SP140: variants seen among roughly 807,000 people sequenced by gnomAD.
SP140 encodes SP140 nuclear body protein, also known as nuclear body protein SP140.
Under a neutral mutation model 125.0 loss-of-function variants are expected in SP140, and 81 were observed. The observed-to-expected ratio is 0.65, with a 90% confidence interval of 0.54 to 0.78. The LOEUF (loss-of-function observed/expected upper bound fraction) is 0.78. Ranked by LOEUF, SP140 falls within the 30% of genes least tolerant of loss-of-function variation. The probability of loss-of-function intolerance (pLI) is 0.00; values close to 1 mark genes in which losing one functional copy is unlikely to be tolerated. For synonymous variants in SP140, 312 were observed against 354.0 expected, an observed-to-expected ratio of 0.88 and a Z score of 1.33; for missense variants, 858 against 1,037.0, an observed-to-expected ratio of 0.83 and a Z score of 2.37.
intron 1 of SP140, among the ~76,000 whole-genome samples, chr2:230,207,617 T>C (rs958384378): frequency 2.6e-5 from 4 of 152,202 alleles, no homozygotes; most frequent in Non-Finnish European, 4.4e-5. Context: ...AAGCCAGAAA[T>C]TGAAGAGTGG....
chr2:230,296,683 G>A (rs1559354292), intron 21 of SP140, among the ~76,000 whole-genome samples: 1 of 152,174 alleles, frequency 6.6e-6, no homozygotes, highest in East Asian at 1.9e-4. Flanking sequence ...TGGCCTCTAG[G>A]ACTCTGAGTC....
chr2:230,279,749 T>C (rs1184493254), intron 15 of SP140, among the ~76,000 whole-genome samples: 1 of 152,120 alleles, frequency 6.6e-6, no homozygotes, highest in East Asian at 1.9e-4. Context: ...TGCATTCTTC[T>C]CTCCATTCTC....
chr2:230,301,114 A>C (rs915216798), intron 22 of SP140, among the ~76,000 whole-genome samples: 1 of 152,234 alleles, frequency 6.6e-6, no homozygotes, highest in African/African-American at 2.4e-5. Context: ...AGAACTTTTT[A>C]AAAATGAACA....
In SP140 at chr2:230,281,660, G is replaced by A. The variant is rs574032877; in HGVS notation, c.1499-2686G>A. 1.2e-4 allele frequency among the ~76,000 whole-genome samples: 19 copies of A among 152,200 alleles called. 1 individual carries two copies. Among genetic ancestry groups the A allele is most frequent in the African/African-American group, 3.4e-4 (14 of 41,536 alleles). ...AACTTTATATAAATAAGGTTTTATA[G>A]CATATTCTCTTTAGAGTGGGATTTA... On this transcript the variant is annotated intron_variant, in intron 15 of 26. Coordinates refer to ENST00000392045, the MANE Select transcript of SP140 (RefSeq NM_007237.5).
At chr2:230,308,148 AAAC>A (rs1362945726) in intron 22 of SP140, among the ~76,000 whole-genome samples, 1 of 151,676 alleles carries the variant, frequency 6.6e-6, no homozygotes, top group Non-Finnish European at 1.5e-5. Context: ...ATGGAAAACC[AAAC>A]AACGTGTGTT....
chr2:230,290,339 C>G (rs2056970422), intron 18 of SP140, 121 bp from the exon 19 acceptor site: 3 of 879,124 alleles, frequency 3.4e-6, no homozygotes, highest in African/African-American at 1.8e-5. Flanking sequence ...CTTTGAAACT[C>G]TAGAGGGTTT....
At position 230,308,571 on chromosome 2, in the gene SP140, G is replaced by A. The variant is rs149026798; in HGVS notation, c.2059-1353G>A. 5.3e-3 allele frequency among the ~76,000 whole-genome samples: 812 copies of A among 152,328 alleles called. 13 individuals are homozygous for A. Among genetic ancestry groups the A allele is most frequent in the Admixed American group, 0.029 (451 of 15,304 alleles). The stretch of plus-strand genomic sequence containing the variant: ...GGGGTGGGCAGGCATCCCACGCCAC[G>A]CAGGGCCACATGGGGGCTGCGCTCA... On this transcript the variant is annotated intron_variant, in intron 22 of 26. Transcript: ENST00000392045.
chr2:230,307,743 A>G (rs1405580966), intron 22 of SP140, among the ~76,000 whole-genome samples: 1 of 152,000 alleles, frequency 6.6e-6, no homozygotes, highest in East Asian at 1.9e-4. Context: ...CTTGGTAGGT[A>G]TGCGATCCAG....
At chr2:230,253,476 G>A (rs1159528992) in intron 11 of SP140, 59 bp downstream of exon 11, 2 of 1,286,410 alleles carry the variant, frequency 1.6e-6, no homozygotes, top group East Asian at 4.6e-5. Context: ...AGTTGGCATG[G>A]GAAAAAAGCT....
intron 9 of SP140, 57 bp from the exon 10 acceptor site, chr2:230,250,924 C>A: frequency 6.3e-7 from 1 of 1,590,860 alleles, no homozygotes; most frequent in Admixed American, 1.7e-5. Flanking sequence ...CAGCTTCCCA[C>A]GTCTTCACTA....
chr2:230,256,194 A>T (rs1575049475), intron 12 of SP140, among the ~76,000 whole-genome samples: 1 of 152,098 alleles, frequency 6.6e-6, no homozygotes, highest in African/African-American at 2.4e-5. Context: ...AAGGATTATA[A>T]ATCATGCTGC....
intron 9 of SP140, among the ~76,000 whole-genome samples, chr2:230,249,373 A>G (rs1004383092): frequency 6.6e-6 from 1 of 152,160 alleles, no homozygotes; most frequent in African/African-American, 2.4e-5. Context: ...GAAAGACCGA[A>G]GGCTTGCAAC....
upstream of SP140, among the ~76,000 whole-genome samples, chr2:230,223,040 T>C (rs1330844020): frequency 2.1e-5 from 2 of 96,096 alleles, no homozygotes; most frequent in Non-Finnish European, 5.2e-5. Flanking sequence ...TCAGTCTGAC[T>C]TTTTTTTTTT....
intron 16 of SP140, 60 bp downstream of exon 16, chr2:230,284,471 A>G (rs1318553018): frequency 7.0e-7 from 1 of 1,435,534 alleles, no homozygotes. Context: ...TGTCCATTGT[A>G]TTCTGGAAGG....
At chr2:230,306,808 G>A (rs2058802900) in intron 22 of SP140, among the ~76,000 whole-genome samples, 1 of 152,232 alleles carries the variant, frequency 6.6e-6, no homozygotes. Flanking sequence ...GCCCCTTTGG[G>A]CAAGGGGCCT....
At chr2:230,284,511 A>G (rs574202397) in intron 16 of SP140, 100 bp downstream of exon 16, 197 of 957,792 alleles carry the variant, frequency 2.1e-4, no homozygotes, top group Non-Finnish European at 2.9e-4. Context: ...AGAGTTCTAT[A>G]CCTCCTGTAT....
At position 230,312,789 on chromosome 2, in the gene SP140, G is replaced by A; in HGVS notation, c.*105G>A. ...GGTCACTTGGGCACAGCACATGCAG[G>A]GAGGGGCTTTTCTCTGAGCCTCCTT... On this transcript the variant is annotated 3_prime_UTR_variant, in exon 27 of 27. Coordinates refer to ENST00000392045, the MANE Select transcript of SP140 (RefSeq NM_007237.5). The A allele has an allele frequency of 1.3e-6, 1 of 781,210 alleles. No homozygotes were observed. The highest frequency in any genetic ancestry group is 1.5e-5 in the South Asian group (1 of 66,758). 48.4% of individuals were successfully genotyped at this position (781,210 alleles called of 1,614,324 possible).
chr2:230,261,056 C>T (rs1286661119), intron 12 of SP140, among the ~76,000 whole-genome samples: 1 of 152,172 alleles, frequency 6.6e-6, no homozygotes, highest in Non-Finnish European at 1.5e-5. Context: ...AATATTGATT[C>T]TACCCATCCA....
chr2:230,201,758 AG>A (rs1031519638), upstream of SP140, among the ~76,000 whole-genome samples: 61 of 152,370 alleles, frequency 4.0e-4, no homozygotes, highest in African/African-American at 1.4e-3. Flanking sequence ...TTGCATTAGT[AG>A]AAGGTCCATT....
Sources: allele counts gnomAD v4.1 joint callset (sites outside exome capture counted in the v4.1 genomes callset), GRCh38; gene constraint gnomAD v4.1.1; transcripts MANE v1.5; gene names NCBI Gene and HGNC (gene_info 2026-07-23, HGNC 2026-07-21).